LRP1B: variants seen among roughly 807,000 people sequenced by gnomAD.
LRP1B encodes low-density lipoprotein receptor-related protein 1B.
Under a neutral mutation model 556.6 loss-of-function variants are expected in LRP1B, and 217 were observed. That is an observed-to-expected ratio of 0.39 (90% CI 0.35 to 0.44). The LOEUF (loss-of-function observed/expected upper bound fraction) is 0.44, where lower values mean the gene tolerates loss of function less well. Ranked by LOEUF, LRP1B falls within the 20% of genes least tolerant of loss-of-function variation. The pLI, the probability that LRP1B is intolerant of heterozygous loss-of-function variation, is 1.00. For synonymous variants in LRP1B, 2,047 were observed against 1,865.8 expected (o/e 1.10, Z -2.50); for missense variants, 5,053 against 5,620.8 (o/e 0.90, Z 3.23).
chr2:141,388,843 T>C (rs1345075485), intron 3 of LRP1B, among the ~76,000 whole-genome samples: 2 of 152,146 alleles, frequency 1.3e-5, no homozygotes, highest in African/African-American at 4.8e-5. Flanking sequence ...CAAAAATTGA[T>C]TATGTTCCTC....
chr2:141,474,033 T>TCCC (rs1262355709), intron 3 of LRP1B, among the ~76,000 whole-genome samples: 53 of 122,036 alleles, frequency 4.3e-4, no homozygotes, highest in African/African-American at 1.9e-3. Context: ...CCTTCCTTCC[T>TCCC]TCCTTCCTTC....
At chr2:141,601,891 C>T (rs1433504972) in intron 2 of LRP1B, among the ~76,000 whole-genome samples, 2 of 152,148 alleles carry the variant, frequency 1.3e-5, no homozygotes, top group East Asian at 1.9e-4. Flanking sequence ...CATGAGCCAC[C>T]GCGTCCGGCC....
intron 79 of LRP1B, 134 bp from the exon 80 acceptor site, chr2:140,326,012 C>G (rs1680457947): frequency 1.6e-6 from 1 of 613,282 alleles, no homozygotes; most frequent in African/African-American, 1.9e-5. Context: ...TGGTGCCCAT[C>G]ATGAAACTGT....
chr2:141,103,522 T>TTCTCTCTCTCTCTCTCTCTCTCTC (rs61008140), intron 7 of LRP1B, among the ~76,000 whole-genome samples: 25,524 of 148,742 alleles, frequency 0.17, 2,474 homozygotes, highest in East Asian at 0.41. Flanking sequence ...AGCACACACA[T>TTCTCTCTCTCTCTCTCTCTCTCTC]TCTCTCTCTC....
intron 42 of LRP1B, among the ~76,000 whole-genome samples, chr2:140,600,767 G>GTCTTTTTTTTT (rs1682625536): frequency 1.8e-5 from 1 of 56,910 alleles, no homozygotes; most frequent in Admixed American, 2.3e-4. Context: ...GTTCTTCGGG[G>GTCTTTTTTTTT]TTTTTTTTTT....
intron 35 of LRP1B, among the ~76,000 whole-genome samples, chr2:140,744,834 G>T (rs969644556): frequency 6.6e-6 from 1 of 152,034 alleles, no homozygotes; most frequent in Admixed American, 6.6e-5. Context: ...TTTTCCTCTA[G>T]GATGCAAGCT....
intron 1 of LRP1B, among the ~76,000 whole-genome samples, chr2:142,090,368 T>C (rs1233088687): frequency 1.3e-5 from 2 of 152,150 alleles, no homozygotes; most frequent in African/African-American, 4.8e-5. Flanking sequence ...CTATTTGCAC[T>C]GCCATTTTAC....
chr2:141,525,465 C>G (rs938630157), intron 2 of LRP1B, among the ~76,000 whole-genome samples: 2 of 151,990 alleles, frequency 1.3e-5, no homozygotes, highest in Non-Finnish European at 2.9e-5. Context: ...TCACTATCAT[C>G]ATTACCAACA....
chr2:141,233,128 A>G (rs1558949671), intron 5 of LRP1B, among the ~76,000 whole-genome samples: 1 of 152,222 alleles, frequency 6.6e-6, no homozygotes, highest in Non-Finnish European at 1.5e-5. Flanking sequence ...TTTTCCCAAA[A>G]GAACACTTGA....
intron 2 of LRP1B, among the ~76,000 whole-genome samples, chr2:141,743,486 C>CTTTTTTTTTTTTTCT (rs1693787238): frequency 9.3e-6 from 1 of 108,030 alleles, no homozygotes; most frequent in Admixed American, 1.0e-4. Context: ...CTGCTTTTTT[C>CTTTTTTTTTTTTTCT]TTTTTTTTTT....
chr2:141,168,818 G>A (rs944029953), intron 7 of LRP1B, among the ~76,000 whole-genome samples: 8 of 152,016 alleles, frequency 5.3e-5, no homozygotes, highest in Non-Finnish European at 1.2e-4. Flanking sequence ...TGTAAAATGG[G>A]TACAATAAAT....
intron 3 of LRP1B, among the ~76,000 whole-genome samples, chr2:141,476,731 C>G (rs1682719002): frequency 6.6e-6 from 1 of 152,056 alleles, no homozygotes; most frequent in Non-Finnish European, 1.5e-5. Flanking sequence ...AAAACATTCC[C>G]AGGACCAGAA....
In LRP1B at chr2:140,274,504, T is replaced by G; in HGVS notation, c.13062A>C (p.Pro4354=). Residue 4354 remains proline, a synonymous_variant, in exon 85 of 91, where the codon CCA becomes CCC. Coordinates refer to ENST00000389484, the MANE Select transcript of LRP1B (RefSeq NM_018557.3). The stretch of plus-strand genomic sequence containing the variant: ...TTACACACTTGTCAACCTCACATTT[T>G]GGTCCTTCATAGCGCGTTGGACAGA... The part of the protein sequence containing the change: ...ECVCPTRYEG[P]KCEVDKCVRC... 6.2e-7 allele frequency: 1 copy of G among 1,612,750 alleles called. No individual in the cohort carries two copies. The highest frequency in any genetic ancestry group is 8.5e-7 in the Non-Finnish European group (1 of 1,179,116).
Position 140,364,674 on chromosome 2 carries a change from G to A in LRP1B, c.11118C>T (p.Ala3706=), listed in dbSNP as rs1425707464. The A allele has an allele frequency of 6.2e-7, 1 of 1,609,480 alleles. No homozygotes were observed. Among genetic ancestry groups the A allele is most frequent in the Admixed American group, 1.7e-5 (1 of 59,626 alleles). Residue 3706 remains alanine (A), a synonymous_variant, in exon 72 of 91, where the codon GCC becomes GCT. Coordinates refer to ENST00000389484, the MANE Select transcript of LRP1B (RefSeq NM_018557.3). Reference sequence around the variant, plus strand: ...GAAATGCCATACCACACATATCAGGGGCTTCATCAGAGTTGTCTCCACAGT... The same window carrying A: ...GAAATGCCATACCACACATATCAGGAGCTTCATCAGAGTTGTCTCCACAGT... The part of the protein sequence containing the change: ...EDDCGDNSDE[A]PDMCVKFLCP...
rs190379626 is a variant in LRP1B at position 140,811,870 on chromosome 2, T to C, written c.5359+1787A>G. ...TTTATATATATGTAACTTCTGGATA[T>C]ATACAATGAAAAGAATGTCAATATA... On this transcript the variant is annotated intron_variant, in intron 32 of 90. Transcript: ENST00000389484. Among the ~76,000 whole-genome samples the C allele has an allele frequency of 5.1e-3, 772 of 152,200 alleles. 11 individuals are homozygous for C. The highest frequency in any genetic ancestry group is 0.018 in the African/African-American group (729 of 41,548).
intron 3 of LRP1B, among the ~76,000 whole-genome samples, chr2:141,307,054 T>G (rs1282095382): frequency 6.6e-6 from 1 of 152,194 alleles, no homozygotes; most frequent in Non-Finnish European, 1.5e-5. Flanking sequence ...TTCCACATGC[T>G]GACGGGGAAA....
At chr2:142,096,805 G>GT (rs1309686221) in intron 1 of LRP1B, among the ~76,000 whole-genome samples, 2 of 151,476 alleles carry the variant, frequency 1.3e-5, no homozygotes, top group East Asian at 3.9e-4. Context: ...GAAGTTTGGG[G>GT]TATGCATGAC....
chr2:142,097,207 A>G (rs563577657), intron 1 of LRP1B, among the ~76,000 whole-genome samples: 3 of 151,850 alleles, frequency 2.0e-5, no homozygotes, highest in East Asian at 3.9e-4. Flanking sequence ...TACCTATTTC[A>G]TAAGAAAACC....
intron 35 of LRP1B, among the ~76,000 whole-genome samples, chr2:140,721,158 T>A (rs553692754): frequency 1.1e-4 from 17 of 152,326 alleles, no homozygotes; most frequent in African/African-American, 3.8e-4. Context: ...ATTTTTCGCT[T>A]GCACATAAAG....
Sources: gnomAD v4.1 joint callset for allele counts (sites outside exome capture counted in the v4.1 genomes callset) on GRCh38, gnomAD v4.1.1 for gene constraint, MANE v1.5 for transcripts, NCBI Gene and HGNC (gene_info 2026-07-23, HGNC 2026-07-21) for gene names.